Variants in GRIP1 observed in about 807,000 individuals in gnomAD.
GRIP1 encodes glutamate receptor-interacting protein 1.
A neutral mutation model predicts 129.9 loss-of-function variants in GRIP1; 45 were observed. That is an observed-to-expected ratio of 0.35 (90% CI 0.27 to 0.44). The LOEUF is 0.44. Among genes scored for constraint, GRIP1 ranks in the 20% least tolerant of loss-of-function variants. The probability of loss-of-function intolerance (pLI) is 1.00; values close to 1 mark genes in which losing one functional copy is unlikely to be tolerated. For missense variants in GRIP1, 1,196 were observed against 1,396.8 expected (o/e 0.86, Z 2.29); for synonymous variants, 530 against 520.8 (o/e 1.02, Z -0.24).
At chr12:66,536,701 T>G (rs1197051048) in intron 4 of GRIP1, among the ~76,000 whole-genome samples, 1 of 152,358 alleles carries the variant, frequency 6.6e-6, no homozygotes, top group East Asian at 1.9e-4. Context: ...ATAGCATTCA[T>G]AGTATTCATA....
chr12:66,889,920 G>GTT (rs5798842), intron 1 of GRIP1, among the ~76,000 whole-genome samples: 22 of 150,428 alleles, frequency 1.5e-4, no homozygotes, highest in African/African-American at 3.2e-4. Flanking sequence ...CTCAGCTACT[G>GTT]TTTTTTTTTG....
intron 13 of GRIP1, among the ~76,000 whole-genome samples, chr12:66,440,259 T>G (rs2058434894): frequency 6.6e-6 from 1 of 152,182 alleles, no homozygotes; most frequent in Admixed American, 6.5e-5. Flanking sequence ...AATAACCACA[T>G]CAGGGCAAAT....
intron 23 of GRIP1, among the ~76,000 whole-genome samples, chr12:66,363,587 T>A (rs548383501): frequency 2.1e-4 from 32 of 152,072 alleles, no homozygotes; most frequent in Non-Finnish European, 4.1e-4. Context: ...TGCCATCCTG[T>A]TATCATTCCT....
At chr12:66,550,135 TTTAA>T (rs1310293138) in intron 2 of GRIP1, among the ~76,000 whole-genome samples, 2 of 152,228 alleles carry the variant, frequency 1.3e-5, no homozygotes, top group Non-Finnish European at 2.9e-5. Context: ...AAATCAGTTA[TTTAA>T]TTGTCAAAAT....
intron 1 of GRIP1, among the ~76,000 whole-genome samples, chr12:67,026,949 G>A (rs1332708890): frequency 6.6e-6 from 1 of 152,068 alleles, no homozygotes; most frequent in African/African-American, 2.4e-5. Context: ...TTAAAACTGG[G>A]TATCGCTCTG....
intron 1 of GRIP1, among the ~76,000 whole-genome samples, chr12:66,926,478 C>T (rs916022229): frequency 6.6e-6 from 1 of 152,152 alleles, no homozygotes; most frequent in South Asian, 2.1e-4. Context: ...AACCTGAGTT[C>T]GAGTTCTGCC....
rs2042117506 is a variant in GRIP1 at position 66,974,084 on chromosome 12, C to T, written c.58+94966G>A. On this transcript the variant is annotated intron_variant, in intron 1 of 1. Coordinates refer to the GRIP1 transcript ENST00000643019. ...GGATTACAGGCGCCTGCCAACACGC[C>T]CAACTAATTTTTGTATTTTTAGTAG... Among the ~76,000 whole-genome samples, 6 of 151,960 alleles carry T rather than the reference C, an allele frequency of 3.9e-5. No individual in the cohort carries two copies. In the South Asian group the frequency reaches 1.2e-3, roughly 32 times the overall value.
At chr12:66,644,768 T>A (rs2032218195) in intron 1 of GRIP1, among the ~76,000 whole-genome samples, 1 of 152,224 alleles carries the variant, frequency 6.6e-6, no homozygotes, top group Admixed American at 6.5e-5. Flanking sequence ...TTTGCAATTA[T>A]GAAAGAATAA....
chr12:66,679,228 T>C (rs1003941770), upstream of GRIP1: 4 of 951,606 alleles, frequency 4.2e-6, no homozygotes, highest in Non-Finnish European at 5.7e-6. Flanking sequence ...TGAGGAGCCA[T>C]TCCATAAATC....
intron 2 of GRIP1, among the ~76,000 whole-genome samples, chr12:66,553,538 C>T (rs2062212858): frequency 6.6e-6 from 1 of 151,636 alleles, no homozygotes; most frequent in Admixed American, 6.6e-5. Flanking sequence ...TGATCATCCT[C>T]CCTGCAGGAA....
chr12:66,419,439 C>A (rs1019220739), intron 15 of GRIP1, among the ~76,000 whole-genome samples: 2 of 151,964 alleles, frequency 1.3e-5, no homozygotes, highest in African/African-American at 4.8e-5. Flanking sequence ...TTAAAAATAA[C>A]TAAAAAAGTA....
chr12:67,056,705 A>T (rs1216775863), intron 1 of GRIP1, among the ~76,000 whole-genome samples: 1 of 152,212 alleles, frequency 6.6e-6, no homozygotes, highest in East Asian at 1.9e-4. Flanking sequence ...TCATCTGTTC[A>T]AAAGGATCAA....
chr12:67,063,007 C>T (rs112490643), intron 1 of GRIP1, among the ~76,000 whole-genome samples: 3 of 152,332 alleles, frequency 2.0e-5, no homozygotes, highest in African/African-American at 7.2e-5. Context: ...GTTGCCATTA[C>T]TGAACTCCAA....
At chr12:67,023,704 G>C (rs1466807732) in intron 1 of GRIP1, among the ~76,000 whole-genome samples, 2 of 151,964 alleles carry the variant, frequency 1.3e-5, no homozygotes, top group Non-Finnish European at 2.9e-5. Context: ...TTAAGCAGTG[G>C]AATCCAAAAC....
intron 1 of GRIP1, among the ~76,000 whole-genome samples, chr12:66,810,859 A>C (rs1444050038): frequency 6.6e-6 from 1 of 152,192 alleles, no homozygotes; most frequent in Non-Finnish European, 1.5e-5. Flanking sequence ...CACCTGCCTA[A>C]ACAGTGATAA....
chr12:67,034,653 C>T (rs1173374938), intron 1 of GRIP1, among the ~76,000 whole-genome samples: 2 of 152,214 alleles, frequency 1.3e-5, no homozygotes, highest in African/African-American at 4.8e-5. Context: ...AATGTGAAAG[C>T]CTAGAACACG....
At chr12:66,677,982 G>A (rs1592733949) in intron 1 of GRIP1, among the ~76,000 whole-genome samples, 1 of 152,092 alleles carries the variant, frequency 6.6e-6, no homozygotes, top group African/African-American at 2.4e-5. Flanking sequence ...CTTTTACTCA[G>A]AATGAAGTTT....
intron 2 of GRIP1, among the ~76,000 whole-genome samples, chr12:66,543,785 A>G (rs2061861456): frequency 6.6e-6 from 1 of 152,230 alleles, no homozygotes; most frequent in South Asian, 2.1e-4. Flanking sequence ...CATCTTCTTT[A>G]AATATGCAGA....
chr12:66,536,201 G>T (rs1445855592), intron 4 of GRIP1, among the ~76,000 whole-genome samples: 3 of 152,066 alleles, frequency 2.0e-5, no homozygotes, highest in Non-Finnish European at 4.4e-5. Flanking sequence ...CACTGTAACT[G>T]CCCTCCAGCT....
Sources: gnomAD v4.1 joint callset for allele counts (sites outside exome capture counted in the v4.1 genomes callset) on GRCh38, gnomAD v4.1.1 for gene constraint, MANE v1.5 for transcripts, NCBI Gene and HGNC (gene_info 2026-07-23, HGNC 2026-07-21) for gene names.